METAP1: variants seen among roughly 807,000 people sequenced by gnomAD.
The protein encoded by METAP1 is methionine aminopeptidase 1.
In METAP1, 28 loss-of-function variants were observed where a neutral mutation model predicts 53.8. That is an observed-to-expected ratio of 0.52 (90% CI 0.39 to 0.71). The LOEUF (loss-of-function observed/expected upper bound fraction) is 0.71. Among genes scored for constraint, METAP1 ranks in the 30% least tolerant of loss-of-function variants. METAP1 has a pLI of 0.00. For synonymous variants in METAP1, 181 were observed against 165.7 expected, an observed-to-expected ratio of 1.09 and a Z score of -0.71; for missense variants, 389 against 479.8, an observed-to-expected ratio of 0.81 and a Z score of 1.77.
At position 99,041,073 on chromosome 4, in the gene METAP1, G is replaced by T. The variant is rs768564705; in HGVS notation, c.463G>T (p.Gly155Cys). 6.2e-7 allele frequency: 1 copy of T among 1,608,322 alleles called. No individual in the cohort carries two copies. Among genetic ancestry groups the T allele is most frequent in the Non-Finnish European group, 8.5e-7 (1 of 1,176,454 alleles). The change falls in exon 6 of 11, where the codon GGC (glycine) becomes TGC (cysteine). Residue 155 changes from glycine (G) to cysteine (C), a missense_variant. Coordinates refer to ENST00000296411, the MANE Select transcript of METAP1 (RefSeq NM_015143.3). ...LAREVLDVAAGMIKPGVTTEE... is the reference protein window; with the variant it reads ...LAREVLDVAACMIKPGVTTEE... ...TAGAGAAGTTTTGGATGTTGCTGCC[G>T]GCATGATTAAACCAGGTGTAACTAC...
intron 1 of METAP1, chr4:99,023,752 G>A (rs1330112735): frequency 1.0e-6 from 1 of 985,284 alleles, no homozygotes; most frequent in African/African-American, 1.7e-5. Context: ...AAAATAAGGT[G>A]GGAGTTAGTT....
chr4:99,016,810 T>A (rs1254817340), intron 1 of METAP1, among the ~76,000 whole-genome samples: 2 of 150,020 alleles, frequency 1.3e-5, no homozygotes, highest in African/African-American at 2.5e-5. Context: ...TAGATCCCAG[T>A]ACATCCATAG....
chr4:99,041,659 T>C (rs1560724860), intron 6 of METAP1, among the ~76,000 whole-genome samples: 1 of 151,984 alleles, frequency 6.6e-6, no homozygotes, highest in East Asian at 1.9e-4. Context: ...GAGTGATAAG[T>C]AGTTAATATA....
intron 9 of METAP1, among the ~76,000 whole-genome samples, chr4:99,049,239 T>C (rs1242033638): frequency 6.6e-6 from 1 of 152,198 alleles, no homozygotes; most frequent in African/African-American, 2.4e-5. Flanking sequence ...AACAGACAGC[T>C]GGAATTGGCA....
At chr4:99,007,753 T>C (rs1249278312) in intron 1 of METAP1, among the ~76,000 whole-genome samples, 1 of 152,236 alleles carries the variant, frequency 6.6e-6, no homozygotes, top group Non-Finnish European at 1.5e-5. Context: ...CAAATTTGAT[T>C]AGTGTTATCA....
chr4:99,061,486 A>G lies in METAP1; in HGVS notation c.*169A>G, dbSNP rs1195502278. 5.7e-6 allele frequency: 3 copies of G among 525,638 alleles called. No individual in the cohort carries two copies. The highest frequency in any genetic ancestry group is 9.4e-6 in the Non-Finnish European group (3 of 318,580). 32.6% of individuals were successfully genotyped at this position (525,638 alleles called of 1,614,324 possible). On this transcript the variant is annotated 3_prime_UTR_variant, in exon 11 of 11. Transcript: ENST00000296411. The stretch of plus-strand genomic sequence containing the variant: ...CCTCAAGAACTTGTCTTGGGTCTGA[A>G]AAAGCTGAGAAGAATAAAGGAAACA...
chr4:99,030,984 T>C (rs191358676), intron 2 of METAP1, among the ~76,000 whole-genome samples: 87 of 152,100 alleles, frequency 5.7e-4, no homozygotes, highest in African/African-American at 1.9e-3. Flanking sequence ...CTTAAATGTT[T>C]GATAGAATTC....
At chr4:99,001,864 G>C (rs1722941900) in intron 1 of METAP1, among the ~76,000 whole-genome samples, 1 of 152,112 alleles carries the variant, frequency 6.6e-6, no homozygotes, top group African/African-American at 2.4e-5. Context: ...GATTATTGTT[G>C]GTTTGAGGGC....
At chr4:99,030,863 A>G (rs1724961310) in intron 2 of METAP1, among the ~76,000 whole-genome samples, 1 of 151,248 alleles carries the variant, frequency 6.6e-6, no homozygotes, top group Non-Finnish European at 1.5e-5. Context: ...TGCTTTTAAT[A>G]TATTTGACTG....
At chr4:99,024,517 C>CT (rs1286859379) in intron 1 of METAP1, among the ~76,000 whole-genome samples, 1 of 152,128 alleles carries the variant, frequency 6.6e-6, no homozygotes, top group Non-Finnish European at 1.5e-5. Flanking sequence ...AAGCTGTCCT[C>CT]TTGTGCCGAG....
At chr4:99,048,649 C>A in intron 8 of METAP1, 84 bp from the exon 9 acceptor site, 1 of 1,411,320 alleles carries the variant, frequency 7.1e-7, no homozygotes, top group Non-Finnish European at 9.9e-7. Flanking sequence ...GGATTACAGG[C>A]ATGAGCCACT....
chr4:99,033,446 A>G (rs527617144), intron 2 of METAP1, among the ~76,000 whole-genome samples: 1 of 152,156 alleles, frequency 6.6e-6, no homozygotes, highest in South Asian at 2.1e-4. Flanking sequence ...TTATTTTACT[A>G]TGTGAATAAG....
chr4:99,061,396 CT>C lies in METAP1; in HGVS notation c.*86del, dbSNP rs1727540095. On this transcript the variant is annotated 3_prime_UTR_variant, in exon 11 of 11. Transcript: ENST00000296411. The stretch of plus-strand genomic sequence containing the variant: ...TGAGAGTACAGAAAGGAAGAGGAAC[CT>C]TTTTTTAATCACTTGTTTTGTTTTG... The C allele has an allele frequency of 1.1e-5, 14 of 1,329,132 alleles. No individual in the cohort carries two copies. The highest frequency in any genetic ancestry group is 5.0e-5 in the East Asian group (2 of 40,044). 82.3% of individuals were successfully genotyped at this position (1,329,132 alleles called of 1,614,324 possible). A position where few individuals can be genotyped will look rare whatever the true frequency, so the allele number is the denominator to read the frequency against.
chr4:99,027,174 C>G (rs1724620154), intron 1 of METAP1, among the ~76,000 whole-genome samples: 1 of 151,924 alleles, frequency 6.6e-6, no homozygotes, highest in African/African-American at 2.4e-5. Flanking sequence ...TCCCCTTTGC[C>G]CTTTGAAGGT....
chr4:99,011,043 G>GT (rs71588993), intron 1 of METAP1, among the ~76,000 whole-genome samples: 102,083 of 149,884 alleles, frequency 0.68, 35,286 homozygotes, highest in African/African-American at 0.81. Context: ...AGCTCTAACA[G>GT]TTTTTTTTTT....
chr4:99,013,236 C>A (rs764287522), intron 1 of METAP1, among the ~76,000 whole-genome samples: 21 of 152,008 alleles, frequency 1.4e-4, no homozygotes, highest in Non-Finnish European at 2.4e-4. Context: ...TTCATTACTT[C>A]TTTCTTTTAT....
intron 6 of METAP1, among the ~76,000 whole-genome samples, chr4:99,041,645 A>G (rs1163578386): frequency 2.6e-5 from 4 of 152,068 alleles, no homozygotes; most frequent in Admixed American, 2.0e-4. Context: ...AATTTTAAAA[A>G]AAAGAGTGAT....
At chr4:99,025,756 G>GC (rs1160028376) in intron 1 of METAP1, among the ~76,000 whole-genome samples, 2 of 152,128 alleles carry the variant, frequency 1.3e-5, no homozygotes, top group Non-Finnish European at 2.9e-5. Flanking sequence ...TACCCTTCCA[G>GC]CATTAGCATC....
At chr4:99,005,751 AAAT>A in intron 1 of METAP1, 3 of 429,812 alleles carry the variant, frequency 7.0e-6, no homozygotes, top group South Asian at 5.0e-5. Flanking sequence ...AAAAAGAATG[AAAT>A]AATATCTTTT....
Sources: allele counts gnomAD v4.1 joint callset (sites outside exome capture counted in the v4.1 genomes callset), GRCh38; gene constraint gnomAD v4.1.1; transcripts MANE v1.5; gene names NCBI Gene and HGNC (gene_info 2026-07-23, HGNC 2026-07-21).